The following NEK3 variants were observed in gnomAD, a reference collection of about 807,000 sequenced individuals.
NEK3 encodes the protein NIMA related kinase 3, also known as serine/threonine-protein kinase Nek3.
NEK3 carries 54 observed loss-of-function variants against 66.0 expected under a neutral mutation model. That is an observed-to-expected ratio of 0.82 (90% confidence interval 0.66 to 1.03). NEK3 has a LOEUF of 1.03. Ranked by LOEUF, NEK3 falls within the 50% of genes least tolerant of loss-of-function variation. The pLI, the probability that NEK3 is intolerant of heterozygous loss-of-function variation, is 0.00. For synonymous variants in NEK3, 200 were observed against 206.2 expected, an observed-to-expected ratio of 0.97 and a Z score of 0.26; for missense variants, 593 against 603.0, an observed-to-expected ratio of 0.98 and a Z score of 0.17.
At chr13:52,139,900 A>G (rs1474962715) in intron 11 of NEK3, among the ~76,000 whole-genome samples, 1 of 151,910 alleles carries the variant, frequency 6.6e-6, no homozygotes, top group Non-Finnish European at 1.5e-5. Context: ...TTCTGTTTCA[A>G]AATAAACGAA....
rs1247585093 is a variant in NEK3 at position 52,133,617 on chromosome 13, A to T, written c.1436+72T>A. On this transcript the variant is annotated intron_variant, in intron 15 of 15. Coordinates refer to ENST00000610828, the MANE Select transcript of NEK3 (RefSeq NM_002498.3). ...AAATTATCATGGTCTAATTTAAATC[A>T]CACACACACACACACACACACACAC... 15 of 911,344 alleles carry T rather than the reference A, an allele frequency of 1.6e-5. No individual in the cohort carries two copies. In the African/African-American group the frequency reaches 3.7e-4, roughly 22 times the overall value. 56.5% of individuals were successfully genotyped at this position (911,344 alleles called of 1,614,324 possible).
chr13:52,136,044 G>A (rs1470073761), intron 13 of NEK3, 72 bp downstream of exon 13: 36 of 1,568,914 alleles, frequency 2.3e-5, no homozygotes, highest in Non-Finnish European at 2.9e-5. Context: ...ACATTAAAAG[G>A]CTCTAAGTGC....
intron 2 of NEK3, among the ~76,000 whole-genome samples, chr13:52,154,838 G>A (rs117168180): frequency 6.7e-6 from 1 of 148,586 alleles, no homozygotes; most frequent in South Asian, 2.2e-4. Flanking sequence ...ATGTAGTATA[G>A]TCCCAGCCAC....
chr13:52,158,390 C>T (rs1228986656), intron 1 of NEK3, among the ~76,000 whole-genome samples: 3 of 152,114 alleles, frequency 2.0e-5, no homozygotes, highest in African/African-American at 7.2e-5. Context: ...AATGTTTTTC[C>T]AAGATCGATG....
intron 15 of NEK3, 40 bp from the exon 16 acceptor site, chr13:52,133,266 G>T: frequency 1.4e-6 from 2 of 1,460,028 alleles, no homozygotes; most frequent in East Asian, 4.7e-5. Flanking sequence ...TCTACATTAG[G>T]GGCACAGTAT....
At chr13:52,150,630 G>T (rs1453384824) in intron 7 of NEK3, among the ~76,000 whole-genome samples, 2 of 151,936 alleles carry the variant, frequency 1.3e-5, no homozygotes, top group Non-Finnish European at 2.9e-5. Context: ...AAATCATTAA[G>T]ATCTTCATAT....
intron 5 of NEK3, 79 bp from the exon 6 acceptor site, chr13:52,151,471 T>G (rs2138208614): frequency 7.8e-7 from 1 of 1,281,688 alleles, no homozygotes; most frequent in East Asian, 2.5e-5. Context: ...CAAAGCCTGC[T>G]GATGATGGAG....
chr13:52,138,970 G>GA (rs1300454233), intron 11 of NEK3, among the ~76,000 whole-genome samples: 1 of 152,094 alleles, frequency 6.6e-6, no homozygotes, highest in East Asian at 1.9e-4. Flanking sequence ...CTGAAATACT[G>GA]AAAAAAACAT....
chr13:52,154,159 T>C lies in NEK3; in HGVS notation c.132A>G (p.Thr44=). Residue 44 remains threonine (T), a synonymous_variant, in exon 3 of 16, where the codon ACA becomes ACG. Transcript: ENST00000610828. ...GAACAGCCTCCTTCCTAGAATTCTG[T>C]GTATTAGAGAAAGACTAGAAAAACA... The part of the protein sequence containing the change: ...EIRLPKSFSN[T]QNSRKEAVLL... 6.2e-7 allele frequency: 1 copy of C among 1,603,656 alleles called. No homozygotes were observed. Among genetic ancestry groups the C allele is most frequent in the Non-Finnish European group, 8.5e-7 (1 of 1,173,692 alleles).
intron 1 of NEK3, among the ~76,000 whole-genome samples, chr13:52,157,876 A>G (rs1956407997): frequency 6.6e-6 from 1 of 152,190 alleles, no homozygotes; most frequent in Admixed American, 6.5e-5. Context: ...AAAAGCTTAC[A>G]GTGTTTGTTT....
Position 52,143,941 on chromosome 13 carries a change from G to A in NEK3, c.851C>T (p.Ser284Leu), listed in dbSNP as rs375917177. ...GEEVLEEIKN[S>L]KHNTPRKKTN... ...TTTTTTTCTTGGTGTGTTATGCTTCGAATTTTTTATTTCTTCTAATACTTC... is the reference window on the plus strand; with the variant it reads ...TTTTTTTCTTGGTGTGTTATGCTTCAAATTTTTTATTTCTTCTAATACTTC... Residue 284 changes from serine to leucine, a missense_variant, in exon 10 of 16, where the codon TCG becomes TTG. Physicochemically the swap from Ser to Leu is moderately radical, Grantham distance 145 (BLOSUM62 -2). Transcript: ENST00000610828. The A allele has an allele frequency of 1.9e-4, 292 of 1,501,156 alleles. 3 individuals carry two copies. The highest frequency in any genetic ancestry group is 1.7e-3 in the South Asian group (141 of 80,908). 93.0% of individuals were successfully genotyped at this position (1,501,156 alleles called of 1,614,324 possible). A position where few individuals can be genotyped will look rare whatever the true frequency, so the allele number is the denominator to read the frequency against.
At chr13:52,148,523 C>A in intron 7 of NEK3, 54 bp from the exon 8 acceptor site, 1 of 1,478,088 alleles carries the variant, frequency 6.8e-7, no homozygotes, top group Non-Finnish European at 9.4e-7. Flanking sequence ...TTTTCTAGTA[C>A]AAAAAATAAT....
At chr13:52,141,174 T>A in intron 10 of NEK3, 105 bp from the exon 11 acceptor site, 4 of 1,005,340 alleles carry the variant, frequency 4.0e-6, no homozygotes, top group Admixed American at 2.5e-5. Context: ...GTGAGGTTAT[T>A]AAAGTCAAAG....
chr13:52,149,035 G>T (rs1956317153), intron 7 of NEK3, among the ~76,000 whole-genome samples: 1 of 151,840 alleles, frequency 6.6e-6, no homozygotes, highest in South Asian at 2.1e-4. Flanking sequence ...GGGACTACAG[G>T]CGCCCGCCAC....
intron 10 of NEK3, among the ~76,000 whole-genome samples, chr13:52,143,375 G>C (rs891685919): frequency 6.3e-4 from 95 of 150,726 alleles, no homozygotes; most frequent in African/African-American, 2.3e-3. Flanking sequence ...AATACGGAGA[G>C]TCCCATATAC....
chr13:52,138,879 G>A lies in NEK3; in HGVS notation c.928-1977C>T, dbSNP rs117143158. 8.8e-4 allele frequency among the ~76,000 whole-genome samples: 134 copies of A among 152,112 alleles called. 2 individuals are homozygous for A. The East Asian group carries it at 0.025, about 28-fold the overall frequency. On this transcript the variant is annotated intron_variant, in intron 11 of 15. Coordinates refer to ENST00000610828, the MANE Select transcript of NEK3 (RefSeq NM_002498.3). ...CCAGGAGGTTGAGTCTGCAGTGAGT[G>A]GTGTTTACGCCACTGCACTCCAGCC...
chr13:52,156,896 C>T (rs1397112003), intron 1 of NEK3: 1 of 152,210 alleles, frequency 6.6e-6, no homozygotes, highest in Non-Finnish European at 1.5e-5. Flanking sequence ...AGCACCAACT[C>T]TGAGTCAGAT....
rs576989082 is a variant in NEK3, at chr13:52,159,588, C to G, written c.-103G>C. The G allele has an allele frequency of 4.6e-5, 7 of 152,336 alleles. No homozygotes were observed. Among genetic ancestry groups the G allele is most frequent in the Admixed American group, 3.9e-4 (6 of 15,316 alleles). 9.4% of individuals were successfully genotyped at this position (152,336 alleles called of 1,614,324 possible). On this transcript the variant is annotated 5_prime_UTR_variant, in exon 1 of 16. Transcript: ENST00000610828. ...GTCCACTCCTTGGCCTGGCAACCGGCGGCTTCCGCGGGGCGGGCCCGGCGG... is the reference window on the plus strand; with the variant it reads ...GTCCACTCCTTGGCCTGGCAACCGGGGGCTTCCGCGGGGCGGGCCCGGCGG...
intron 8 of NEK3, among the ~76,000 whole-genome samples, chr13:52,147,368 C>A (rs901504392): frequency 1.3e-5 from 2 of 152,114 alleles, no homozygotes; most frequent in African/African-American, 4.8e-5. Flanking sequence ...AAGACAGAAA[C>A]GACCCAAGTG....
Sources: gnomAD v4.1 joint callset for allele counts (sites outside exome capture counted in the v4.1 genomes callset) on GRCh38, gnomAD v4.1.1 for gene constraint, MANE v1.5 for transcripts, NCBI Gene and HGNC (gene_info 2026-07-23, HGNC 2026-07-21) for gene names.